Variants in PDE11A observed in about 807,000 individuals in gnomAD.
PDE11A encodes the protein dual 3',5'-cyclic-AMP and -GMP phosphodiesterase 11A.
Under a neutral mutation model 100.5 loss-of-function variants are expected in PDE11A, and 100 were observed. The ratio of observed to expected loss-of-function variants is 1.00; its 90% confidence interval spans 0.85 to 1.18. The LOEUF (loss-of-function observed/expected upper bound fraction) is 1.18. Among genes scored for constraint, PDE11A ranks in the 50% most tolerant of loss-of-function variants. The pLI, the probability that PDE11A is intolerant of heterozygous loss-of-function variation, is 0.00. For missense variants in PDE11A, 1,141 were observed against 1,152.6 expected (o/e 0.99, Z 0.15); for synonymous variants, 381 against 420.8 (o/e 0.91, Z 1.16).
intron 2 of PDE11A, among the ~76,000 whole-genome samples, chr2:177,962,967 T>C (rs1449258108): frequency 3.3e-5 from 5 of 152,176 alleles, no homozygotes; most frequent in Non-Finnish European, 7.4e-5. Flanking sequence ...AGATCAAAGT[T>C]TTAATTTTCA....
chr2:177,742,665 T>C (rs2081890539), intron 10 of PDE11A, among the ~76,000 whole-genome samples: 1 of 152,226 alleles, frequency 6.6e-6, no homozygotes, highest in Admixed American at 6.5e-5. Flanking sequence ...CTCATTTTTG[T>C]ACCAGCTAGA....
intron 2 of PDE11A, among the ~76,000 whole-genome samples, chr2:177,984,477 A>G (rs1392548184): frequency 6.6e-6 from 1 of 152,214 alleles, no homozygotes; most frequent in African/African-American, 2.4e-5. Context: ...TTCAAATTAT[A>G]GGATTGTATT....
chr2:177,694,161 T>C (rs1320654655), intron 15 of PDE11A, among the ~76,000 whole-genome samples: 1 of 152,122 alleles, frequency 6.6e-6, no homozygotes, highest in Non-Finnish European at 1.5e-5. Context: ...AAGAACAGAG[T>C]AATGAGAAAA....
chr2:177,989,335 T>TGA (rs1224547734), intron 2 of PDE11A, among the ~76,000 whole-genome samples: 1 of 152,232 alleles, frequency 6.6e-6, no homozygotes, highest in Admixed American at 6.5e-5. Context: ...TAGCACAGTA[T>TGA]GAACAAAGTC....
Position 177,905,160 on chromosome 2 carries a change from C to T in PDE11A, c.1099G>A (p.Gly367Arg). Reference protein sequence around the residue: ...KVMQMYLPFCGIAISNAQLFA... With the variant: ...KVMQMYLPFCRIAISNAQLFA... Reference sequence around the variant, plus strand: ...AGCTGAGCGTTAGATATGGCGATTCCACAAAATGGAAGATACATCTGCATA... The same window carrying T: ...AGCTGAGCGTTAGATATGGCGATTCTACAAAATGGAAGATACATCTGCATA... Residue 367 changes from glycine to arginine, a missense_variant, in exon 3 of 20, where the codon GGA becomes AGA. Transcript: ENST00000286063. 6.2e-7 allele frequency: 1 copy of T among 1,607,100 alleles called. No homozygotes were observed. The highest frequency in any genetic ancestry group is 8.5e-7 in the Non-Finnish European group (1 of 1,173,738).
chr2:178,086,194 C>T (rs547682239), intron 2 of PDE11A, among the ~76,000 whole-genome samples: 1 of 152,280 alleles, frequency 6.6e-6, no homozygotes, highest in East Asian at 1.9e-4. Flanking sequence ...GCAGGACTGC[C>T]GACCTTCCTA....
At chr2:177,673,223 G>A (rs531420630) in intron 17 of PDE11A, among the ~76,000 whole-genome samples, 5 of 152,130 alleles carry the variant, frequency 3.3e-5, no homozygotes, top group South Asian at 2.1e-4. Context: ...CCAAAGAAAC[G>A]CTAAGCCCAT....
intron 2 of PDE11A, among the ~76,000 whole-genome samples, chr2:177,993,684 G>A (rs1435976571): frequency 6.6e-6 from 1 of 152,046 alleles, no homozygotes; most frequent in Non-Finnish European, 1.5e-5. Flanking sequence ...TTTACTTTGA[G>A]CTCCCCTCTT....
chr2:178,081,802 A>C (rs1021679665), intron 2 of PDE11A, among the ~76,000 whole-genome samples: 1 of 152,260 alleles, frequency 6.6e-6, no homozygotes, highest in Non-Finnish European at 1.5e-5. Context: ...TTTTTTTAAA[A>C]ATTATTAAAA....
intron 9 of PDE11A, among the ~76,000 whole-genome samples, chr2:177,801,689 A>G (rs1277988800): frequency 1.3e-5 from 2 of 152,158 alleles, no homozygotes; most frequent in Non-Finnish European, 2.9e-5. Flanking sequence ...TTATTTAAAA[A>G]TGAACCTCAA....
intron 9 of PDE11A, among the ~76,000 whole-genome samples, chr2:177,777,047 C>T (rs2082387890): frequency 6.6e-6 from 1 of 152,114 alleles, no homozygotes; most frequent in Non-Finnish European, 1.5e-5. Context: ...ATGTTTGCTT[C>T]CCTTCTGCTG....
At chr2:177,959,257 T>C (rs2085602661) in intron 2 of PDE11A, among the ~76,000 whole-genome samples, 1 of 152,010 alleles carries the variant, frequency 6.6e-6, no homozygotes, top group Non-Finnish European at 1.5e-5. Context: ...TTGAACATGA[T>C]GGAAAGAAGA....
intron 19 of PDE11A, among the ~76,000 whole-genome samples, chr2:177,659,868 A>G (rs2080449365): frequency 6.6e-6 from 1 of 152,120 alleles, no homozygotes; most frequent in Non-Finnish European, 1.5e-5. Flanking sequence ...TGCAGGAATC[A>G]GATGTCAATG....
chr2:177,998,987 T>C (rs1052826854), intron 2 of PDE11A, among the ~76,000 whole-genome samples: 1 of 152,240 alleles, frequency 6.6e-6, no homozygotes, highest in African/African-American at 2.4e-5. Context: ...AAATGTATTT[T>C]CAGTCTCATA....
chr2:177,675,357 G>A, intron 17 of PDE11A, 98 bp downstream of exon 17: 3 of 860,036 alleles, frequency 3.5e-6, no homozygotes. Flanking sequence ...AATTGACTAG[G>A]GTTTCAGTGC....
chr2:177,645,370 T>A (rs1559124052), intron 19 of PDE11A, among the ~76,000 whole-genome samples: 2 of 150,720 alleles, frequency 1.3e-5, no homozygotes, highest in East Asian at 1.9e-4. Flanking sequence ...ATATATATAA[T>A]CTTTTTAGTA....
intron 2 of PDE11A, among the ~76,000 whole-genome samples, chr2:178,085,421 C>T (rs2087337249): frequency 6.6e-6 from 1 of 152,094 alleles, no homozygotes; most frequent in South Asian, 2.1e-4. Context: ...AACTACCTAT[C>T]AGATACTATG....
intron 1 of PDE11A, among the ~76,000 whole-genome samples, chr2:178,018,782 A>G (rs1559043802): frequency 1.3e-5 from 2 of 152,110 alleles, no homozygotes; most frequent in Non-Finnish European, 2.9e-5. Context: ...TACTGGCCTC[A>G]AGCAACCCTC....
intron 2 of PDE11A, among the ~76,000 whole-genome samples, chr2:178,008,444 C>A (rs2086237847): frequency 6.6e-6 from 1 of 152,040 alleles, no homozygotes; most frequent in South Asian, 2.1e-4. Context: ...CAGTCAAATC[C>A]CATGCAAGTC....
Sources: allele counts gnomAD v4.1 joint callset (sites outside exome capture counted in the v4.1 genomes callset), GRCh38; gene constraint gnomAD v4.1.1; transcripts MANE v1.5; gene names NCBI Gene and HGNC (gene_info 2026-07-23, HGNC 2026-07-21).